PDE10A: variants seen among roughly 807,000 people sequenced by gnomAD.
PDE10A encodes the protein cAMP and cAMP-inhibited cGMP 3',5'-cyclic phosphodiesterase 10A.
PDE10A carries 39 observed loss-of-function variants against 97.7 expected under a neutral mutation model. The observed-to-expected ratio is 0.40, with a 90% CI of 0.31 to 0.52. The LOEUF is 0.52. Ranked by LOEUF, PDE10A falls within the 20% of genes least tolerant of loss-of-function variation. PDE10A has a pLI of 0.56. For synonymous variants in PDE10A, 371 were observed against 376.8 expected (o/e 0.98, Z 0.18); for missense variants, 731 against 1,047.8 (o/e 0.70, Z 4.17).
At chr6:165,665,231 C>T (rs895432356), upstream of PDE10A, among the ~76,000 whole-genome samples, 3 of 152,232 alleles carry the variant, frequency 2.0e-5, no homozygotes, top group Admixed American at 6.5e-5. Context: ...CTGTAAGTCT[C>T]AGAGGCATTC....
chr6:165,512,249 A>C (rs754330077), intron 2 of PDE10A, among the ~76,000 whole-genome samples: 2 of 151,840 alleles, frequency 1.3e-5, no homozygotes, highest in Non-Finnish European at 2.9e-5. Context: ...CTGTGCTTCC[A>C]GTTTAGGACT....
intron 1 of PDE10A, among the ~76,000 whole-genome samples, chr6:165,799,830 C>A (rs1778936062): frequency 6.6e-6 from 1 of 152,216 alleles, no homozygotes; most frequent in Admixed American, 6.5e-5. Context: ...ACATACAACA[C>A]TGAAATTCTT....
chr6:165,871,882 A>T (rs1010487900), intron 1 of PDE10A, among the ~76,000 whole-genome samples: 1 of 152,210 alleles, frequency 6.6e-6, no homozygotes, highest in African/African-American at 2.4e-5. Context: ...GGGAAAGGGC[A>T]AGAGGAGATA....
At chr6:165,629,521 CTTTT>C (rs35760840) in intron 1 of PDE10A, among the ~76,000 whole-genome samples, 26,446 of 131,580 alleles carry the variant, frequency 0.2, 2,639 homozygotes, top group Middle Eastern at 0.34. Flanking sequence ...TATTAACAAC[CTTTT>C]TTTTTTTTTT....
intron 1 of PDE10A, among the ~76,000 whole-genome samples, chr6:165,854,696 G>A (rs907953995): frequency 2.6e-5 from 4 of 152,204 alleles, no homozygotes; most frequent in Non-Finnish European, 1.5e-5. Flanking sequence ...AGGCCAAGCC[G>A]AGCCCGCAGA....
chr6:165,507,055 C>G (rs1405253162), intron 2 of PDE10A, among the ~76,000 whole-genome samples: 1 of 151,662 alleles, frequency 6.6e-6, no homozygotes, highest in African/African-American at 2.4e-5. Context: ...GTGTGGTTGG[C>G]TGAAACTACC....
At chr6:165,343,701 C>G (rs779911493) in intron 18 of PDE10A, among the ~76,000 whole-genome samples, 199 bp from the exon 19 acceptor site, 1 of 152,160 alleles carries the variant, frequency 6.6e-6, no homozygotes, top group Non-Finnish European at 1.5e-5. Flanking sequence ...TCACTTCTAT[C>G]ACAAGTCCCG....
intron 15 of PDE10A, 139 bp from the exon 16 acceptor site, chr6:165,392,935 T>A: frequency 1.4e-6 from 1 of 711,842 alleles, no homozygotes; most frequent in East Asian, 2.7e-5. Flanking sequence ...ACTGAATCCA[T>A]GAGCACTGGA....
chr6:165,352,756 T>C (rs939393226), intron 18 of PDE10A, among the ~76,000 whole-genome samples: 1 of 152,012 alleles, frequency 6.6e-6, no homozygotes, highest in Admixed American at 6.6e-5. Flanking sequence ...AACACAGATA[T>C]ATAACATAGA....
intron 2 of PDE10A, among the ~76,000 whole-genome samples, chr6:165,492,996 T>C (rs572355517): frequency 2.8e-4 from 43 of 152,252 alleles, no homozygotes; most frequent in South Asian, 1.5e-3. Context: ...AGTTTCAGGA[T>C]ACAAAATTAA....
At chr6:165,917,554 G>A (rs1034382789) in intron 1 of PDE10A, among the ~76,000 whole-genome samples, 1 of 152,218 alleles carries the variant, frequency 6.6e-6, no homozygotes, top group Non-Finnish European at 1.5e-5. Context: ...GGCAAATTTA[G>A]GGAAAAGACG....
At chr6:165,852,758 C>A (rs953960479) in intron 1 of PDE10A, among the ~76,000 whole-genome samples, 1 of 152,202 alleles carries the variant, frequency 6.6e-6, no homozygotes, top group Non-Finnish European at 1.5e-5. Flanking sequence ...CAGCTGCTGA[C>A]TTCCTGGCAA....
At chr6:165,726,199 C>A (rs149070992) in intron 1 of PDE10A, among the ~76,000 whole-genome samples, 2 of 152,132 alleles carry the variant, frequency 1.3e-5, no homozygotes, top group Non-Finnish European at 1.5e-5. Context: ...CCCACCAGAA[C>A]GTTGTTTTGT....
chr6:165,628,899 T>C (rs1788505767), intron 1 of PDE10A, among the ~76,000 whole-genome samples: 1 of 152,246 alleles, frequency 6.6e-6, no homozygotes, highest in Non-Finnish European at 1.5e-5. Context: ...CTGAGGTTTT[T>C]TAAAATTTAG....
chr6:165,937,991 A>C (rs76006581), intron 1 of PDE10A, among the ~76,000 whole-genome samples: 6,593 of 152,278 alleles, frequency 0.043, 200 homozygotes, highest in Non-Finnish European at 0.061. Context: ...AGACCCCCAC[A>C]TCACAGGAGG....
intron 1 of PDE10A, among the ~76,000 whole-genome samples, chr6:165,824,504 C>T (rs1779668178): frequency 6.6e-6 from 1 of 152,172 alleles, no homozygotes. Context: ...TCTTCTTTGT[C>T]CTGATCTTCT....
At chr6:165,749,217 CCATCATATCACCATCACCACCATCA>C (rs1469405679) in intron 1 of PDE10A, among the ~76,000 whole-genome samples, 1 of 140,682 alleles carries the variant, frequency 7.1e-6, no homozygotes, top group African/African-American at 2.6e-5. Context: ...ATCACCATCA[CCATCATATCACCATCACCACCATCA>C]CATCACCATC....
chr6:165,483,550 G>T (rs985970000), intron 2 of PDE10A, among the ~76,000 whole-genome samples: 1 of 152,166 alleles, frequency 6.6e-6, no homozygotes, highest in Non-Finnish European at 1.5e-5. Context: ...CTGAAGATGA[G>T]ACTATTTAAT....
At chr6:165,744,581 T>C (rs372535262) in intron 1 of PDE10A, among the ~76,000 whole-genome samples, 2 of 152,146 alleles carry the variant, frequency 1.3e-5, no homozygotes, top group East Asian at 3.8e-4. Context: ...TTTTTTTTCA[T>C]AAATTTGAAG....
Sources: gnomAD v4.1 joint callset for allele counts (sites outside exome capture counted in the v4.1 genomes callset) on GRCh38, gnomAD v4.1.1 for gene constraint, MANE v1.5 for transcripts, NCBI Gene and HGNC (gene_info 2026-07-23, HGNC 2026-07-21) for gene names.